Variants in TMEM91 observed in about 807,000 individuals in gnomAD.
TMEM91 encodes transmembrane protein 91.
Under a neutral mutation model 13.3 loss-of-function variants are expected in TMEM91, and 6 were observed. The observed-to-expected ratio is 0.45, with a 90% confidence interval of 0.25 to 0.89. The LOEUF (loss-of-function observed/expected upper bound fraction) is 0.89, where lower values mean the gene tolerates loss of function less well. Among genes scored for constraint, TMEM91 ranks in the 40% least tolerant of loss-of-function variants. The probability of loss-of-function intolerance (pLI) is 0.19; values close to 1 mark genes in which losing one functional copy is unlikely to be tolerated. For synonymous variants in TMEM91, 87 were observed against 101.7 expected, an observed-to-expected ratio of 0.86 and a Z score of 0.87; for missense variants, 193 against 228.7, an observed-to-expected ratio of 0.84 and a Z score of 1.01.
chr19:41,375,029 G>T (rs970748072), upstream of TMEM91, among the ~76,000 whole-genome samples: 1 of 151,962 alleles, frequency 6.6e-6, no homozygotes, highest in African/African-American at 2.4e-5. Flanking sequence ...GTCTATGTGG[G>T]TCCAAATGCT....
intron 3 of TMEM91, 58 bp from the exon 4 acceptor site, chr19:41,383,656 AG>A: frequency 6.2e-7 from 1 of 1,613,932 alleles, no homozygotes; most frequent in African/African-American, 1.3e-5. Flanking sequence ...GGGAGGGACC[AG>A]GGGAAGGGTC....
intron 1 of TMEM91, among the ~76,000 whole-genome samples, chr19:41,367,917 C>T (rs1231202654): frequency 6.6e-6 from 1 of 152,102 alleles, no homozygotes; most frequent in Non-Finnish European, 1.5e-5. Context: ...AGATGTGAGG[C>T]CACAACACCC....
chr19:41,383,648 GA>G, intron 3 of TMEM91, 66 bp from the exon 4 acceptor site: 1 of 1,614,104 alleles, frequency 6.2e-7, no homozygotes, highest in Non-Finnish European at 8.5e-7. Context: ...TTGGGTGGGG[GA>G]GGGACCAGGG....
At chr19:41,378,674 G>A (rs1251031147) in intron 2 of TMEM91, among the ~76,000 whole-genome samples, 155 bp downstream of exon 2, 2 of 152,122 alleles carry the variant, frequency 1.3e-5, no homozygotes, top group Admixed American at 6.5e-5. Context: ...TTCCAGTTAC[G>A]GTTCTTCTTG....
At chr19:41,382,735 G>A (rs758750187) in intron 2 of TMEM91, 37 bp from the exon 3 acceptor site, 2 of 1,599,728 alleles carry the variant, frequency 1.3e-6, no homozygotes, top group Non-Finnish European at 1.7e-6. Flanking sequence ...AGGAAAGGTG[G>A]ATGGAGATGC....
chr19:41,384,014 C>G lies in TMEM91; in HGVS notation c.*141C>G. 1.4e-6 allele frequency: 2 copies of G among 1,398,374 alleles called. No individual in the cohort carries two copies. Among genetic ancestry groups the G allele is most frequent in the Non-Finnish European group, 1.9e-6 (2 of 1,061,938 alleles). 86.6% of individuals were successfully genotyped at this position (1,398,374 alleles called of 1,614,324 possible). Reference sequence around the variant, plus strand: ...GGGAGCGAGCTGGACTGGAACCCTTCCCCTTCCTGGCCACCGCTCTTCGGG... The same window carrying G: ...GGGAGCGAGCTGGACTGGAACCCTTGCCCTTCCTGGCCACCGCTCTTCGGG... On this transcript the variant is annotated 3_prime_UTR_variant, in exon 4 of 4. Transcript: ENST00000392002.
chr19:41,382,491 C>T (rs985992005), intron 2 of TMEM91, among the ~76,000 whole-genome samples: 2 of 152,128 alleles, frequency 1.3e-5, no homozygotes, highest in East Asian at 1.9e-4. Flanking sequence ...GGTGTGATGG[C>T]GTGTGCCTGT....
Position 41,378,549 on chromosome 19 carries a change from A to T in TMEM91, c.210+30A>T, listed in dbSNP as rs747684967. The T allele has an allele frequency of 2.5e-6, 4 of 1,612,112 alleles. No individual in the cohort carries two copies. In the South Asian group the frequency reaches 4.4e-5, roughly 18 times the overall value. On this transcript the variant is annotated intron_variant, in intron 2 of 3. Transcript: ENST00000392002. ...GAAACAGCAGGCCTTAGTGGAAGGC[A>T]CGGGAGGGGGCTGGGGTGAGCCCCA...
chr19:41,374,161 G>C (rs965994923), upstream of TMEM91: 1 of 152,236 alleles, frequency 6.6e-6, no homozygotes, highest in African/African-American at 2.4e-5. Flanking sequence ...GACGCCATCT[G>C]TTCTCCCTGG....
chr19:41,365,633 G>C (rs528343707), intron 1 of TMEM91, among the ~76,000 whole-genome samples: 56 of 151,212 alleles, frequency 3.7e-4, no homozygotes, highest in African/African-American at 1.3e-3. Flanking sequence ...TCAAACTCCT[G>C]ACCTCAGGTG....
intron 3 of TMEM91, 125 bp from the exon 4 acceptor site, chr19:41,383,590 C>G (rs749865681): frequency 1.5e-5 from 25 of 1,613,686 alleles, no homozygotes; most frequent in Non-Finnish European, 2.0e-5. Context: ...ATAGTAGGTG[C>G]TACGTATCTG....
intron 2 of TMEM91, among the ~76,000 whole-genome samples, chr19:41,379,026 GT>G (rs934264895): frequency 6.6e-5 from 10 of 151,584 alleles, no homozygotes; most frequent in Non-Finnish European, 1.3e-4. Flanking sequence ...TAGAGAAGAG[GT>G]TTTGTCATGT....
chr19:41,383,320 C>T, intron 3 of TMEM91: 1 of 420,622 alleles, frequency 2.4e-6, no homozygotes. Context: ...TCCCAAAGTG[C>T]TGGGATTACA....
intron 2 of TMEM91, among the ~76,000 whole-genome samples, chr19:41,379,412 T>C (rs1599930402): frequency 6.7e-6 from 1 of 148,440 alleles, no homozygotes; most frequent in Admixed American, 6.7e-5. Context: ...CGTGTTCCTG[T>C]AGTACCAGCT....
Position 41,384,018 on chromosome 19 carries a change from T to C in TMEM91, c.*145T>C. On this transcript the variant is annotated 3_prime_UTR_variant, in exon 4 of 4. Coordinates refer to ENST00000392002, the MANE Select transcript of TMEM91 (RefSeq NM_001098821.2). ...GCGAGCTGGACTGGAACCCTTCCCC[T>C]TCCTGGCCACCGCTCTTCGGGCGGC... 1.4e-6 allele frequency: 2 copies of C among 1,382,706 alleles called. No homozygotes were observed. The highest frequency in any genetic ancestry group is 1.9e-6 in the Non-Finnish European group (2 of 1,050,296). 85.7% of individuals were successfully genotyped at this position (1,382,706 alleles called of 1,614,324 possible).
intron 1 of TMEM91, among the ~76,000 whole-genome samples, chr19:41,371,370 TTTCC>T (rs1242141367): frequency 1.3e-5 from 1 of 74,630 alleles, no homozygotes; most frequent in African/African-American, 5.4e-5. Context: ...TCCTTCCTTC[TTTCC>T]TTCCTTCCTT....
chr19:41,379,648 A>G (rs2038827831), intron 2 of TMEM91, among the ~76,000 whole-genome samples: 1 of 151,682 alleles, frequency 6.6e-6, no homozygotes, highest in South Asian at 2.1e-4. Context: ...GAAAGAAGGA[A>G]TGAAGGAAAC....
Position 41,378,281 on chromosome 19 carries a change from G to A in TMEM91, c.-29G>A. ...GTCTTTTTCTTCCCCCTACCCCTAG[G>A]AAACCCCTCCTGGAGTTTCCCCAAA... On this transcript the variant is annotated splice_region_variant and 5_prime_UTR_variant, in exon 2 of 4. Coordinates refer to ENST00000392002, the MANE Select transcript of TMEM91 (RefSeq NM_001098821.2). The A allele has an allele frequency of 1.3e-6, 2 of 1,599,718 alleles. No homozygotes were observed. The highest frequency in any genetic ancestry group is 2.2e-5 in the South Asian group (2 of 90,446).
rs189794955 is a variant in TMEM91 at position 41,367,504 on chromosome 19, G to A, written c.-30+3409G>A. On this transcript the variant is annotated intron_variant, in intron 1 of 3. Coordinates refer to the TMEM91 transcript ENST00000413014. ...AAATTAGCTGGGCATGGCGGCGGGC[G>A]CCTGTAATCCCAAGTACTCGGGAGG... Among the ~76,000 whole-genome samples, 290 of 152,132 alleles carry A rather than the reference G, an allele frequency of 1.9e-3. 3 individuals are homozygous for A. The highest frequency in any genetic ancestry group is 6.6e-3 in the African/African-American group (272 of 41,520).
Sources: gnomAD v4.1 joint callset for allele counts (sites outside exome capture counted in the v4.1 genomes callset) on GRCh38, gnomAD v4.1.1 for gene constraint, MANE v1.5 for transcripts, NCBI Gene and HGNC (gene_info 2026-07-23, HGNC 2026-07-21) for gene names.